SESN3: variants seen among roughly 807,000 people sequenced by gnomAD.
The protein encoded by SESN3 is sestrin 3.
Under a neutral mutation model 55.3 loss-of-function variants are expected in SESN3, and 21 were observed. The ratio of observed to expected loss-of-function variants is 0.38; its 90% CI spans 0.27 to 0.55. The LOEUF (loss-of-function observed/expected upper bound fraction) is 0.55, where lower values mean the gene tolerates loss of function less well. SESN3 is among the 20% of genes least tolerant of loss of function. The pLI is 0.76. For synonymous variants in SESN3, 181 were observed against 203.1 expected, an observed-to-expected ratio of 0.89 and a Z score of 0.93; for missense variants, 408 against 604.3, an observed-to-expected ratio of 0.68 and a Z score of 3.41.
At chr11:95,226,441 G>A (rs1424356012) in intron 1 of SESN3, among the ~76,000 whole-genome samples, 1 of 152,064 alleles carries the variant, frequency 6.6e-6, no homozygotes, top group African/African-American at 2.4e-5. Flanking sequence ...GGGAGTTGGG[G>A]GAAGCAGCAG....
At position 95,172,115 on chromosome 11, in the gene SESN3, T is replaced by C. The variant is rs2134207707; in HGVS notation, c.*1140A>G. The C allele has an allele frequency of 6.6e-6, 1 of 152,296 alleles. No homozygotes were observed. The highest frequency in any genetic ancestry group is 2.1e-4 in the South Asian group (1 of 4,830). The allele number at this position is 152,296 out of a possible 1,614,324, so 9.4% of individuals were successfully genotyped here. ...GTTTAAAAGGACACTTTTGCAGTGA[T>C]ATGACAGGGGGAAAGTTTAGTTGAG... On this transcript the variant is annotated 3_prime_UTR_variant, in exon 10 of 10. Coordinates refer to ENST00000536441, the MANE Select transcript of SESN3 (RefSeq NM_144665.4).
In SESN3 at chr11:95,191,591, G is replaced by A. The variant is rs1328123488; in HGVS notation, c.155C>T (p.Ala52Val). ...GTTAGTACGTTCATCCACTGTGTTT[G>A]CTTGGACAACCTTATAACCAAAAAA... ...AFIPEKEVVQ[A>V]NTVDERTNFL... The change falls in exon 3 of 10, where the codon GCA becomes GTA. Residue 52 changes from alanine to valine, a missense_variant. Physicochemically the swap from Ala to Val is moderately conservative, Grantham distance 64. Around this residue, in one of 4 missense-constraint regions of SESN3, gnomAD observed 107 missense variants for 211.3 expected, o/e 0.51. Transcript: ENST00000536441. 6.2e-7 allele frequency: 1 copy of A among 1,611,894 alleles called. No individual in the cohort carries two copies.
At chr11:95,208,099 TA>T (rs533711553) in intron 1 of SESN3, among the ~76,000 whole-genome samples, 2 of 151,270 alleles carry the variant, frequency 1.3e-5, no homozygotes, top group East Asian at 1.9e-4. Context: ...CTTAGTTTTT[TA>T]AAAAAAATGA....
chr11:95,230,098 A>AGG lies in SESN3; in HGVS notation c.78+683_78+684dup, dbSNP rs137885988. ...CATTTTTCTGGATCAACACGGGGGC[A>AGG]GGGGGGTGCTAAGGAGGAATAACCC... On this transcript the variant is annotated intron_variant, in intron 1 of 9. Coordinates refer to ENST00000536441, the MANE Select transcript of SESN3 (RefSeq NM_144665.4). This position sits in a 1 kb window ranked among gnomAD's most constrained non-coding sequence, Gnocchi z 4.6. The AGG allele has an allele frequency of 3.9e-5, 6 of 152,090 alleles. No individual in the cohort carries two copies. The highest frequency in any genetic ancestry group is 2.1e-4 in the South Asian group (1 of 4,798). The allele number at this position is 152,090 out of a possible 1,614,324, so 9.4% of individuals were successfully genotyped here.
At chr11:95,183,452 T>C (rs1221422974) in intron 6 of SESN3, among the ~76,000 whole-genome samples, 1 of 152,126 alleles carries the variant, frequency 6.6e-6, no homozygotes, top group Non-Finnish European at 1.5e-5. Context: ...AAGTTACGGC[T>C]GAAACAATTC....
At chr11:95,224,487 GA>G in intron 1 of SESN3, 1 of 435,058 alleles carries the variant, frequency 2.3e-6, no homozygotes, top group Non-Finnish European at 4.6e-6. Context: ...GCTCTTGGCT[GA>G]AAAGGAAAGA....
At chr11:95,218,284 C>T (rs942251819) in intron 1 of SESN3, among the ~76,000 whole-genome samples, 2 of 152,230 alleles carry the variant, frequency 1.3e-5, no homozygotes, top group Non-Finnish European at 2.9e-5. Flanking sequence ...AAATCCTACT[C>T]TTGACTGTAG....
At chr11:95,218,647 C>CTTTTT (rs68150878) in intron 1 of SESN3, among the ~76,000 whole-genome samples, 8 of 122,060 alleles carry the variant, frequency 6.6e-5, no homozygotes, top group African/African-American at 8.8e-5. Context: ...GATTTACCCT[C>CTTTTT]TTTTTTTTTT....
rs562392226 is a variant in SESN3 at position 95,221,864 on chromosome 11, C to T, written c.78+8919G>A. 1.3e-4 allele frequency among the ~76,000 whole-genome samples: 20 copies of T among 152,240 alleles called. No homozygotes were observed. The East Asian group carries it at 3.5e-3, about 26-fold the overall frequency. On this transcript the variant is annotated intron_variant, in intron 1 of 9. Coordinates refer to ENST00000536441, the MANE Select transcript of SESN3 (RefSeq NM_144665.4). ...TAGACCAATAAATGACTCACTTCTG[C>T]GTGGATCTAAAAAGTAAAGGCTAGT...
chr11:95,197,310 C>G (rs900381751), intron 1 of SESN3, among the ~76,000 whole-genome samples: 2 of 152,066 alleles, frequency 1.3e-5, no homozygotes, highest in African/African-American at 4.8e-5. Context: ...CTACCTTTTG[C>G]TTTTTATGTA....
At chr11:95,183,772 C>T (rs1446768602) in intron 6 of SESN3, among the ~76,000 whole-genome samples, 1 of 150,766 alleles carries the variant, frequency 6.6e-6, no homozygotes, top group East Asian at 1.9e-4. Context: ...ATATCATTTA[C>T]TATGTGGTGT....
chr11:95,202,057 G>T (rs919332481), intron 1 of SESN3, among the ~76,000 whole-genome samples: 1 of 151,782 alleles, frequency 6.6e-6, no homozygotes, highest in East Asian at 1.9e-4. Context: ...CAACTCCCAA[G>T]GTTTCCTATG....
At chr11:95,196,438 T>C (rs771797437) in intron 1 of SESN3, among the ~76,000 whole-genome samples, 4 of 152,142 alleles carry the variant, frequency 2.6e-5, no homozygotes, top group Non-Finnish European at 5.9e-5. Flanking sequence ...AATAGGATAG[T>C]ACTATATCCA....
chr11:95,230,628 GC>G lies in SESN3; in HGVS notation c.78+154del, dbSNP rs1565479130. On this transcript the variant is annotated intron_variant, in intron 1 of 9. Transcript: ENST00000536441. This position sits in a 1 kb window ranked among gnomAD's most constrained non-coding sequence, Gnocchi z 4.6. Reference sequence around the variant, plus strand: ...AAGCCGCAGTAGTCCAAACCCTCCTGCCCTCAACCCACGCCCCCTTTCTCAG... The same window carrying G: ...AAGCCGCAGTAGTCCAAACCCTCCTGCCTCAACCCACGCCCCCTTTCTCAG... 1.2e-5 allele frequency: 7 copies of G among 594,992 alleles called. No homozygotes were observed. The highest frequency in any genetic ancestry group is 2.0e-5 in the Non-Finnish European group (7 of 343,916). 36.9% of individuals were successfully genotyped at this position (594,992 alleles called of 1,614,324 possible).
In SESN3 at chr11:95,168,450, A is replaced by G. The variant is rs578122476; in HGVS notation, c.*4805T>C. 6.6e-6 allele frequency: 1 copy of G among 152,350 alleles called. No individual in the cohort carries two copies. Among genetic ancestry groups the G allele is most frequent in the African/African-American group, 2.4e-5 (1 of 41,580 alleles). The allele number at this position is 152,350 out of a possible 1,614,324, so 9.4% of individuals were successfully genotyped here. On this transcript the variant is annotated 3_prime_UTR_variant, in exon 10 of 10. Coordinates refer to ENST00000536441, the MANE Select transcript of SESN3 (RefSeq NM_144665.4). ...AAGTTTCCTACTTTGATAGAAGGCA[A>G]AAATCTTTTATGATTTATTTAAAAT...
At chr11:95,174,039 A>G (rs1381981843) in intron 9 of SESN3, among the ~76,000 whole-genome samples, 2 of 152,188 alleles carry the variant, frequency 1.3e-5, no homozygotes, top group Admixed American at 6.5e-5. Context: ...TCTAGATACA[A>G]TCTAGAAAAG....
chr11:95,227,499 C>T lies in SESN3; in HGVS notation c.78+3284G>A, dbSNP rs1338342974. Among the ~76,000 whole-genome samples, 51 of 151,996 alleles carry T rather than the reference C, an allele frequency of 3.4e-4. 1 individual carries two copies. Among genetic ancestry groups the T allele is most frequent in the Non-Finnish European group, 1.0e-4 (7 of 68,010 alleles). On this transcript the variant is annotated intron_variant, in intron 1 of 9. Coordinates refer to ENST00000536441, the MANE Select transcript of SESN3 (RefSeq NM_144665.4). ...GATTACAGGCGTAAGCCACCATGCC[C>T]GGTCCTCAATCTAGTATTTTTCATT...
intron 2 of SESN3, 121 bp downstream of exon 2, chr11:95,193,334 CAT>C (rs1860302383): frequency 3.1e-6 from 2 of 641,904 alleles, no homozygotes; most frequent in East Asian, 2.8e-5. Flanking sequence ...GGTTTTCTGA[CAT>C]GTGAACAAGA....
intron 9 of SESN3, among the ~76,000 whole-genome samples, chr11:95,173,835 T>G (rs1859901899): frequency 6.6e-6 from 1 of 152,170 alleles, no homozygotes; most frequent in Non-Finnish European, 1.5e-5. Flanking sequence ...CATACATAGC[T>G]TCCCTAGAGT....
Sources: gnomAD v4.1 joint callset for allele counts (sites outside exome capture counted in the v4.1 genomes callset) on GRCh38, gnomAD v4.1.1 for gene constraint, gnomAD v4.1.1 regional missense constraint, Gnocchi (gnomAD v3.1) non-coding constraint, MANE v1.5 for transcripts, NCBI Gene and HGNC (gene_info 2026-07-23, HGNC 2026-07-21) for gene names.